The following CD200R1 variants were observed in gnomAD, a reference collection of about 807,000 sequenced individuals.
The protein encoded by CD200R1 is cell surface glycoprotein CD200 receptor 1.
In CD200R1, 30 loss-of-function variants were observed where a neutral mutation model predicts 38.1. That is an observed-to-expected ratio of 0.79 (90% CI 0.59 to 1.07). CD200R1 has a LOEUF of 1.07. CD200R1 is among the 50% of genes least tolerant of loss of function. The pLI is 0.00. For synonymous variants in CD200R1, 128 were observed against 152.1 expected, an observed-to-expected ratio of 0.84 and a Z score of 1.16; for missense variants, 372 against 415.4, an observed-to-expected ratio of 0.90 and a Z score of 0.91.
rs958400952 is a variant in CD200R1, at chr3:112,975,020, C to T, written c.-163G>A. On this transcript the variant is annotated 5_prime_UTR_variant, in exon 1 of 8. In the 5' UTR this introduces an upstream ATG that the reference lacks. Transcript: ENST00000308611. ...CCCTTCCTTCTAGCCCCTTCCTTCA[C>T]GTCTATGTGGTTTAGCCTGGTTAGT... 3.7e-5 allele frequency: 23 copies of T among 618,300 alleles called. No individual in the cohort carries two copies. The highest frequency in any genetic ancestry group is 2.1e-4 in the South Asian group (11 of 51,362). 38.3% of individuals were successfully genotyped at this position (618,300 alleles called of 1,614,324 possible).
chr3:112,947,712 T>C (rs893619970), intron 2 of CD200R1, 144 bp downstream of exon 2: 8 of 516,068 alleles, frequency 1.6e-5, no homozygotes, highest in Middle Eastern at 4.0e-4. Flanking sequence ...AATTTCAGAA[T>C]GAAAAATTTA....
intron 2 of CD200R1, among the ~76,000 whole-genome samples, chr3:112,933,131 A>G (rs977262310): frequency 6.6e-6 from 1 of 152,114 alleles, no homozygotes; most frequent in African/African-American, 2.4e-5. Context: ...GGCCTAAGAA[A>G]TAATCTGGTG....
chr3:112,924,436 G>T, intron 7 of CD200R1, 54 bp downstream of exon 7: 1 of 1,241,334 alleles, frequency 8.1e-7, no homozygotes. Flanking sequence ...TATGTTGCTA[G>T]ATTTTCAGAC....
At chr3:112,937,942 T>C (rs1414767309) in intron 2 of CD200R1, among the ~76,000 whole-genome samples, 2 of 151,974 alleles carry the variant, frequency 1.3e-5, no homozygotes, top group Non-Finnish European at 1.5e-5. Flanking sequence ...TATTTTATTC[T>C]TTTGTGGCAA....
chr3:112,924,227 C>T (rs963162354), intron 7 of CD200R1, among the ~76,000 whole-genome samples: 1 of 151,862 alleles, frequency 6.6e-6, no homozygotes, highest in African/African-American at 2.4e-5. Flanking sequence ...AATTCATTTC[C>T]TCAAAAGATT....
chr3:112,970,994 T>G (rs1933294420), intron 1 of CD200R1, among the ~76,000 whole-genome samples: 1 of 152,208 alleles, frequency 6.6e-6, no homozygotes, highest in Non-Finnish European at 1.5e-5. Context: ...TTCTATTGTT[T>G]TTGTCCATAT....
chr3:112,929,811 C>CTACATCTAATCTTTAGATGTAG (rs1940382751), intron 3 of CD200R1, among the ~76,000 whole-genome samples: 1 of 151,900 alleles, frequency 6.6e-6, no homozygotes, highest in Non-Finnish European at 1.5e-5. Flanking sequence ...AATTAAACAA[C>CTACATCTAATCTTTAGATGTAG]AAAGGCAATG....
chr3:112,953,699 C>T (rs1941021919), intron 1 of CD200R1, among the ~76,000 whole-genome samples: 1 of 151,948 alleles, frequency 6.6e-6, no homozygotes. Flanking sequence ...AGGAATTTAT[C>T]CATTTCTCCT....
At chr3:112,928,379 A>C (rs1940328344) in intron 5 of CD200R1, among the ~76,000 whole-genome samples, 1 of 152,212 alleles carries the variant, frequency 6.6e-6, no homozygotes, top group African/African-American at 2.4e-5. Flanking sequence ...TGAATCATAG[A>C]TGTTATTATA....
chr3:112,931,236 C>G, intron 2 of CD200R1, 65 bp from the exon 3 acceptor site: 1 of 984,094 alleles, frequency 1.0e-6, no homozygotes, highest in Non-Finnish European at 1.6e-6. Context: ...AAGCCAGTAT[C>G]CCTCCACAAA....
chr3:112,970,389 G>T (rs187721024), intron 1 of CD200R1, among the ~76,000 whole-genome samples: 2 of 152,108 alleles, frequency 1.3e-5, no homozygotes, highest in Non-Finnish European at 1.5e-5. Context: ...TCTATTATAT[G>T]AATTATATAA....
chr3:112,974,183 C>A (rs1933377723), intron 1 of CD200R1, among the ~76,000 whole-genome samples: 1 of 151,874 alleles, frequency 6.6e-6, no homozygotes, highest in South Asian at 2.1e-4. Context: ...TGCCTGTAAT[C>A]CCAATGCTTT....
At chr3:112,958,393 AC>A (rs1416605607) in intron 1 of CD200R1, among the ~76,000 whole-genome samples, 9 of 152,308 alleles carry the variant, frequency 5.9e-5, no homozygotes, top group African/African-American at 2.2e-4. Context: ...ACTACATACT[AC>A]AAAAAATACT....
Position 112,929,310 on chromosome 3 carries a change from G to T in CD200R1, c.400C>A (p.Pro134Thr), listed in dbSNP as rs201554281. 1 of 1,614,058 alleles carries T rather than the reference G, an allele frequency of 6.2e-7. No homozygotes were observed. Among genetic ancestry groups the T allele is most frequent in the Non-Finnish European group, 8.5e-7 (1 of 1,180,054 alleles). The change falls in exon 4 of 8, where the codon CCT (proline) becomes ACT (threonine). Residue 134 changes from proline (P) to threonine (T), a missense_variant. Physicochemically the swap from Pro to Thr is conservative, Grantham distance 38. Coordinates refer to ENST00000308611, the MANE Select transcript of CD200R1 (RefSeq NM_138806.4). The stretch of plus-strand genomic sequence containing the variant: ...ATCTGAAGGTCCGAATTCTGATCAG[G>T]TCTGGAGACCCAGGTTATTCTCTCA... ...TDERITWVSR[P>T]DQNSDLQIRT...
intron 1 of CD200R1, among the ~76,000 whole-genome samples, chr3:112,957,172 G>A (rs142760052): frequency 1.6e-4 from 25 of 152,246 alleles, no homozygotes; most frequent in Middle Eastern, 3.4e-3. Flanking sequence ...TAAAACTGAC[G>A]TCCTCTTCAA....
intron 1 of CD200R1, among the ~76,000 whole-genome samples, chr3:112,973,916 T>C (rs1163314442): frequency 6.6e-6 from 1 of 152,160 alleles, no homozygotes; most frequent in Admixed American, 6.5e-5. Flanking sequence ...TATAGGAACC[T>C]AGATGTTGAA....
chr3:112,934,757 G>A (rs964072176), intron 2 of CD200R1, among the ~76,000 whole-genome samples: 1 of 152,116 alleles, frequency 6.6e-6, no homozygotes, highest in Non-Finnish European at 1.5e-5. Flanking sequence ...TTGAACCGGG[G>A]AAGCAGAGGT....
At position 112,921,284 on chromosome 3, in the gene CD200R1, A is replaced by G. The variant is rs1553766729; in HGVS notation, c.*2393T>C. The G allele has an allele frequency of 6.6e-6, 1 of 152,226 alleles. No homozygotes were observed. Among genetic ancestry groups the G allele is most frequent in the South Asian group, 2.1e-4 (1 of 4,832 alleles). The allele number at this position is 152,226 out of a possible 1,614,324, so 9.4% of individuals were successfully genotyped here. ...ATGTAAAACTATGTCAACATTTACCAAAGTCCACATTTTAAATATGTGCAA... is the reference window on the plus strand; with the variant it reads ...ATGTAAAACTATGTCAACATTTACCGAAGTCCACATTTTAAATATGTGCAA... On this transcript the variant is annotated 3_prime_UTR_variant, in exon 8 of 8. Coordinates refer to ENST00000308611, the MANE Select transcript of CD200R1 (RefSeq NM_138806.4).
intron 2 of CD200R1, 93 bp from the exon 3 acceptor site, chr3:112,931,264 A>T (rs2107306509): frequency 2.8e-6 from 2 of 714,640 alleles, no homozygotes; most frequent in East Asian, 2.8e-5. Flanking sequence ...CCAACATGAT[A>T]GGCAATCAGT....
Sources: allele counts gnomAD v4.1 joint callset (sites outside exome capture counted in the v4.1 genomes callset), GRCh38; gene constraint gnomAD v4.1.1; transcripts MANE v1.5; gene names NCBI Gene and HGNC (gene_info 2026-07-23, HGNC 2026-07-21).